RXRA: variants seen among roughly 807,000 people sequenced by gnomAD.
RXRA encodes the protein retinoid X receptor alpha, also known as retinoic acid receptor RXR-alpha.
In RXRA, 5 loss-of-function variants were observed where a neutral mutation model predicts 44.5. The observed-to-expected ratio is 0.11, with a 90% confidence interval of 0.06 to 0.24. The LOEUF is 0.24. Ranked by LOEUF, RXRA falls within the 10% of genes least tolerant of loss-of-function variation. The pLI is 1.00. For synonymous variants in RXRA, 291 were observed against 271.4 expected (o/e 1.07, Z -0.71); for missense variants, 412 against 646.5 (o/e 0.64, Z 3.93).
intron 1 of RXRA, among the ~76,000 whole-genome samples, chr9:134,367,507 C>G (rs1447001817): frequency 2.0e-5 from 3 of 152,242 alleles, no homozygotes; most frequent in African/African-American, 7.2e-5. Flanking sequence ...TCCCACTTTA[C>G]AGATGGGAAA....
At chr9:134,410,926 AG>A (rs1225760504) in intron 4 of RXRA, among the ~76,000 whole-genome samples, 2 of 152,184 alleles carry the variant, frequency 1.3e-5, no homozygotes, top group Non-Finnish European at 1.5e-5. Context: ...TCAGATAACC[AG>A]GGGGGGCCCA....
At chr9:134,354,496 C>T (rs1234244789) in intron 1 of RXRA, among the ~76,000 whole-genome samples, 2 of 152,198 alleles carry the variant, frequency 1.3e-5, no homozygotes, top group Non-Finnish European at 2.9e-5. Flanking sequence ...CTGGGCTGCC[C>T]ATCAGGCACT....
chr9:134,405,264 C>T (rs1195719125), intron 2 of RXRA: 2 of 152,280 alleles, frequency 1.3e-5, no homozygotes, highest in African/African-American at 4.8e-5. Flanking sequence ...CTGGACCGTC[C>T]TCCAGGTGAG....
At chr9:134,384,152 G>A (rs533362528) in intron 1 of RXRA, among the ~76,000 whole-genome samples, 37 of 152,028 alleles carry the variant, frequency 2.4e-4, no homozygotes, top group African/African-American at 8.4e-4. Context: ...TGTCACCCCC[G>A]GGGGGAGTCC....
chr9:134,364,843 G>T (rs1023321328), intron 1 of RXRA, among the ~76,000 whole-genome samples: 1 of 152,238 alleles, frequency 6.6e-6, no homozygotes, highest in Non-Finnish European at 1.5e-5. Flanking sequence ...GGTGGCTGGG[G>T]GAGAGGAGCC....
chr9:134,345,775 C>T (rs186769529), intron 1 of RXRA, among the ~76,000 whole-genome samples: 351 of 152,298 alleles, frequency 2.3e-3, no homozygotes, highest in South Asian at 5.0e-3. Context: ...AAATGCATGA[C>T]GGGGAAGGTG....
chr9:134,329,945 C>T (rs1588244303), intron 1 of RXRA, among the ~76,000 whole-genome samples: 1 of 152,176 alleles, frequency 6.6e-6, no homozygotes, highest in South Asian at 2.1e-4. Flanking sequence ...TGGCAGGGGG[C>T]TCTGGCATCA....
At position 134,421,690 on chromosome 9, in the gene RXRA, C is replaced by A; in HGVS notation, c.795C>A (p.Val265=). 4 of 1,570,018 alleles carry A rather than the reference C, an allele frequency of 2.5e-6. No homozygotes were observed. Among genetic ancestry groups the A allele is most frequent in the South Asian group, 1.2e-5 (1 of 84,398 alleles). Residue 265 remains valine, a synonymous_variant, in exon 6 of 10, where the codon GTC becomes GTA. Coordinates refer to ENST00000481739, the MANE Select transcript of RXRA (RefSeq NM_002957.6). ...GLNPSSPNDP[V]TNICQAADKQ... ...CTCCACTGCAGCCGAACGACCCTGTCACCAACATTTGCCAAGCAGCCGACA... is the reference window on the plus strand; with the variant it reads ...CTCCACTGCAGCCGAACGACCCTGTAACCAACATTTGCCAAGCAGCCGACA...
intron 7 of RXRA, among the ~76,000 whole-genome samples, chr9:134,430,644 C>T (rs1834256494): frequency 6.6e-6 from 1 of 152,196 alleles, no homozygotes; most frequent in South Asian, 2.1e-4. Flanking sequence ...AGGAGGGTCC[C>T]CACGGGGGCT....
intron 6 of RXRA, chr9:134,422,265 C>T (rs1588303472): frequency 3.1e-6 from 4 of 1,289,254 alleles, no homozygotes; most frequent in East Asian, 1.1e-4. Flanking sequence ...CCAGGACGCT[C>T]CCCGCTCCCA....
At position 134,366,402 on chromosome 9, in the gene RXRA, AG is replaced by A. The variant is rs1411403047; in HGVS notation, c.29-35227del. ...TCAGACGGTTCCCAGCTTCCTCTGC[AG>A]GGCGGGGCTGCTCCAGTCTCTTACA... On this transcript the variant is annotated intron_variant, in intron 1 of 9. Transcript: ENST00000481739. This position sits in a 1 kb window ranked among gnomAD's most constrained non-coding sequence, Gnocchi z 5.9. Among the ~76,000 whole-genome samples the A allele has an allele frequency of 1.3e-5, 2 of 152,058 alleles. No individual in the cohort carries two copies. Among genetic ancestry groups the A allele is most frequent in the Non-Finnish European group, 1.5e-5 (1 of 67,986 alleles).
intron 2 of RXRA, chr9:134,403,765 A>G (rs1227045241): frequency 6.6e-6 from 1 of 152,494 alleles, no homozygotes; most frequent in African/African-American, 2.4e-5. Flanking sequence ...GGCTCCTGGC[A>G]CAAAGTAGGG....
intron 1 of RXRA, among the ~76,000 whole-genome samples, chr9:134,339,787 CTG>C (rs782797902): frequency 1.4e-5 from 2 of 139,806 alleles, no homozygotes; most frequent in South Asian, 2.3e-4. Context: ...TTGTGTGAGC[CTG>C]TGTGTATGAG....
intron 5 of RXRA, among the ~76,000 whole-genome samples, chr9:134,420,443 C>G (rs190624930): frequency 3.3e-5 from 5 of 152,306 alleles, no homozygotes; most frequent in African/African-American, 1.2e-4. Context: ...GCCGAGGGAT[C>G]CCACCCCTGT....
chr9:134,436,105 C>G (rs1241517483), intron 9 of RXRA, among the ~76,000 whole-genome samples: 1 of 152,260 alleles, frequency 6.6e-6, no homozygotes, highest in Non-Finnish European at 1.5e-5. Flanking sequence ...CTCGGCCTCT[C>G]AAAGTGCTGA....
At chr9:134,398,605 G>A (rs980440156) in intron 1 of RXRA, among the ~76,000 whole-genome samples, 1 of 152,186 alleles carries the variant, frequency 6.6e-6, no homozygotes, top group African/African-American at 2.4e-5. Context: ...AGCTCCTGAG[G>A]TGCCCTGGAA....
chr9:134,375,494 A>G (rs553488561), intron 1 of RXRA, among the ~76,000 whole-genome samples: 2 of 152,310 alleles, frequency 1.3e-5, no homozygotes, highest in South Asian at 4.1e-4. Context: ...GATTCCAGGC[A>G]GGTCCTGGCC....
chr9:134,362,188 C>T (rs191485507), intron 1 of RXRA, among the ~76,000 whole-genome samples: 287 of 152,258 alleles, frequency 1.9e-3, no homozygotes, highest in African/African-American at 6.5e-3. Context: ...TGTCCAGGGC[C>T]CAGTGCGTGG....
At chr9:134,423,979 G>A (rs1831391445) in intron 6 of RXRA, 2 of 982,662 alleles carry the variant, frequency 2.0e-6, no homozygotes, top group Non-Finnish European at 2.4e-6. Context: ...GCGGAGGTCC[G>A]AGTCGGGTTG....
Sources: gnomAD v4.1 joint callset for allele counts (sites outside exome capture counted in the v4.1 genomes callset) on GRCh38, gnomAD v4.1.1 for gene constraint, Gnocchi (gnomAD v3.1) non-coding constraint, MANE v1.5 for transcripts, NCBI Gene and HGNC (gene_info 2026-07-23, HGNC 2026-07-21) for gene names.